The following MTM1 variants were observed in gnomAD, a reference collection of about 807,000 sequenced individuals.
MTM1 encodes the protein myotubularin.
In MTM1, 9 loss-of-function variants were observed where a neutral mutation model predicts 52.1. The ratio of observed to expected loss-of-function variants is 0.17; its 90% CI spans 0.10 to 0.30. The LOEUF (loss-of-function observed/expected upper bound fraction) is 0.30. MTM1 is among the 10% of genes least tolerant of loss of function. The pLI, the probability that MTM1 is intolerant of heterozygous loss-of-function variation, is 1.00. For synonymous variants in MTM1, 136 were observed against 163.8 expected, an observed-to-expected ratio of 0.83 and a Z score of 1.29; for missense variants, 277 against 470.7, an observed-to-expected ratio of 0.59 and a Z score of 3.81.
intron 2 of MTM1, 54 bp downstream of exon 2, chrX:150,592,731 T>C: frequency 1.2e-6 from 1 of 841,552 alleles, no homozygotes; most frequent in African/African-American, 2.0e-5. Flanking sequence ...ATTTTGATAT[T>C]TGAATATTAG....
At chrX:150,564,469 G>A (rs782277704), upstream of MTM1, among the ~76,000 whole-genome samples, 6 of 111,264 alleles carry the variant, frequency 5.4e-5, no homozygotes, top group African/African-American at 1.3e-4. Flanking sequence ...TGCAACCTCC[G>A]CCTCCCGGGT....
chrX:150,619,202 TG>T, intron 6 of MTM1, 63 bp downstream of exon 6: 1 of 783,692 alleles, frequency 1.3e-6, no homozygotes, highest in East Asian at 3.1e-5. Context: ...GAAAACTGCC[TG>T]CAAACTGGGA....
At chrX:150,564,541 G>C (rs7054759), upstream of MTM1, among the ~76,000 whole-genome samples, 54,961 of 109,623 alleles carry the variant, frequency 0.5, 10,387 homozygotes, top group African/African-American at 0.67. Context: ...CGCCACCAAG[G>C]CTGGCTATTT....
At position 150,596,590 on chromosome X, in the gene MTM1, A is replaced by T. The variant is rs147442130; in HGVS notation, c.136+20A>T. ...TCACTGGTAAGGACCTGCTGACATA[A>T]GATTTGCATAACTTGAGGAGAAGTC... On this transcript the variant is annotated intron_variant, in intron 3 of 14. Coordinates refer to ENST00000370396, the MANE Select transcript of MTM1 (RefSeq NM_000252.3). 4 of 1,171,261 alleles carry T rather than the reference A, an allele frequency of 3.4e-6. No homozygotes were observed. In the African/African-American group the frequency reaches 7.1e-5, roughly 21 times the overall value.
intron 6 of MTM1, among the ~76,000 whole-genome samples, chrX:150,623,285 A>G (rs1010056665): frequency 1.4e-4 from 16 of 111,540 alleles, no homozygotes; most frequent in South Asian, 1.1e-3. Flanking sequence ...ATGGATCACA[A>G]GCTCCCTAGG....
At chrX:150,582,959 C>T (rs2038613074) in intron 1 of MTM1, among the ~76,000 whole-genome samples, 1 of 99,502 alleles carries the variant, frequency 1.0e-5, no homozygotes, top group African/African-American at 3.7e-5. Flanking sequence ...GGTGGATTTG[C>T]CTATGTTTTC....
At chrX:150,599,366 T>A (rs2039032474) in intron 4 of MTM1, among the ~76,000 whole-genome samples, 2 of 112,100 alleles carry the variant, frequency 1.8e-5, no homozygotes, top group African/African-American at 6.5e-5. Context: ...AGTGAGTAGC[T>A]GCTGTGGCTG....
At chrX:150,587,198 A>G in intron 1 of MTM1, among the ~76,000 whole-genome samples, 1 of 111,216 alleles carries the variant, frequency 9.0e-6, no homozygotes, top group Admixed American at 9.6e-5. Context: ...CAAGCTCTCA[A>G]TGGTGGGGTT....
At chrX:150,578,930 G>A (rs1179524113) in intron 1 of MTM1, among the ~76,000 whole-genome samples, 1 of 109,959 alleles carries the variant, frequency 9.1e-6, no homozygotes, top group Non-Finnish European at 1.9e-5. Context: ...GATTTTGATA[G>A]GGATTTCATT....
intron 4 of MTM1, among the ~76,000 whole-genome samples, chrX:150,603,889 C>T (rs782480543): frequency 5.4e-5 from 6 of 111,296 alleles, no homozygotes; most frequent in East Asian, 5.7e-4. Flanking sequence ...GTGCGGAGAG[C>T]GAGAAGAGCC....
chrX:150,603,685 A>G (rs949968576), intron 4 of MTM1, among the ~76,000 whole-genome samples: 1 of 112,174 alleles, frequency 8.9e-6, no homozygotes, highest in Non-Finnish European at 1.9e-5. Flanking sequence ...GTCTGAAGGC[A>G]TGGACTTACA....
chrX:150,621,139 A>G (rs2039473757), intron 6 of MTM1, among the ~76,000 whole-genome samples: 1 of 107,035 alleles, frequency 9.3e-6, no homozygotes, highest in African/African-American at 3.4e-5. Context: ...AAAAAAAAAA[A>G]AAGTAGAATC....
At position 150,663,470 on chromosome X, in the gene MTM1, T is replaced by C. The variant is rs1557414802; in HGVS notation, c.1505T>C (p.Ile502Thr). The change falls in exon 14 of 15, where the codon ATA (isoleucine) becomes ACA (threonine). Residue 502 changes from isoleucine (I) to threonine (T), a missense_variant. Physicochemically the swap from Ile to Thr is moderately conservative, Grantham distance 89. This residue lies in a region of MTM1 where 59 missense variants were observed against 107.8 expected (regional missense o/e 0.55). Transcript: ENST00000370396. ...AGGACTGTTTCTTTATGGTCACTGA[T>C]AAACAGTAATAAAGAAAAATTCAAA... is the stretch of plus-strand genomic sequence containing the variant. ...TERTVSLWSL[I>T]NSNKEKFKNP... is the part of the protein sequence containing the mutation. 8.3e-7 allele frequency: 1 copy of C among 1,208,451 alleles called. No homozygotes were observed. Among genetic ancestry groups the C allele is most frequent in the Non-Finnish European group, 1.1e-6 (1 of 893,677 alleles).
At chrX:150,578,436 G>A (rs183312001) in intron 1 of MTM1, among the ~76,000 whole-genome samples, 1 of 112,213 alleles carries the variant, frequency 8.9e-6, no homozygotes, top group African/African-American at 3.2e-5. Flanking sequence ...GCTAAGCTGT[G>A]CCTGGACACC....
At chrX:150,588,606 G>C (rs1451669226) in intron 1 of MTM1, among the ~76,000 whole-genome samples, 1 of 111,850 alleles carries the variant, frequency 8.9e-6, no homozygotes, top group African/African-American at 3.3e-5. Context: ...CGCGGTGAAA[G>C]AGGTTTTTGT....
At chrX:150,634,928 CT>C (rs2039731057) in intron 6 of MTM1, among the ~76,000 whole-genome samples, 1 of 111,920 alleles carries the variant, frequency 8.9e-6, no homozygotes, top group African/African-American at 3.2e-5. Flanking sequence ...AATCCTTAGG[CT>C]ACATTCCTGA....
intron 6 of MTM1, among the ~76,000 whole-genome samples, chrX:150,624,786 G>A (rs1219427546): frequency 8.9e-6 from 1 of 112,227 alleles, no homozygotes; most frequent in African/African-American, 3.2e-5. Context: ...GTTAATCGTG[G>A]TCCAAAAAGT....
intron 6 of MTM1, among the ~76,000 whole-genome samples, chrX:150,624,893 T>C (rs2039541709): frequency 8.9e-6 from 1 of 112,378 alleles, no homozygotes; most frequent in Non-Finnish European, 1.9e-5. Context: ...TCTGCCTTTA[T>C]AGCAGTAGGC....
At position 150,638,837 on chromosome X, in the gene MTM1, T is replaced by C. The variant is rs1264921118; in HGVS notation, c.445-106T>C. On this transcript the variant is annotated intron_variant, in intron 6 of 14. Coordinates refer to ENST00000370396, the MANE Select transcript of MTM1 (RefSeq NM_000252.3). ...AGCCTTGGTGTGGGTTGTAATTTCATGGTCGGCAAATCTGGTGAAATTTAT... is the reference window on the plus strand; with the variant it reads ...AGCCTTGGTGTGGGTTGTAATTTCACGGTCGGCAAATCTGGTGAAATTTAT... 1.3e-5 allele frequency: 8 copies of C among 597,279 alleles called. No homozygotes were observed. In the Middle Eastern group the frequency reaches 2.0e-3, roughly 147 times the overall value. The allele number at this position is 597,279 out of a possible 1,213,427, so 49.2% of individuals were successfully genotyped here. A position where few individuals can be genotyped will look rare whatever the true frequency, so the allele number is the denominator to read the frequency against.
Sources: gnomAD v4.1 joint callset for allele counts (sites outside exome capture counted in the v4.1 genomes callset) on GRCh38, gnomAD v4.1.1 for gene constraint, gnomAD v4.1.1 regional missense constraint, MANE v1.5 for transcripts, NCBI Gene and HGNC (gene_info 2026-07-23, HGNC 2026-07-21) for gene names.